Variants in ZNF221 observed in about 807,000 individuals in gnomAD.
ZNF221 encodes zinc finger protein 221.
Under a neutral mutation model 12.6 loss-of-function variants are expected in ZNF221, and 10 were observed. The observed-to-expected ratio is 0.79, with a 90% confidence interval of 0.49 to 1.34. The LOEUF (loss-of-function observed/expected upper bound fraction) is 1.34. Ranked by LOEUF, ZNF221 falls within the 40% of genes most tolerant of loss-of-function variation. ZNF221 has a pLI of 0.00. For synonymous variants in ZNF221, 232 were observed against 244.0 expected (o/e 0.95, Z 0.46); for missense variants, 661 against 721.4 (o/e 0.92, Z 0.96).
chr19:43,965,260 TC>T lies in ZNF221; in HGVS notation c.238del (p.His80ThrfsTer3). 6.2e-7 allele frequency: 1 copy of T among 1,613,426 alleles called. No individual in the cohort carries two copies. Among genetic ancestry groups the T allele is most frequent in the Non-Finnish European group, 8.5e-7 (1 of 1,179,668 alleles). Reference protein sequence around the residue: ...VGNQPFHQDTFHFLGKEKFWK... With the variant: ...VGNQPFHQDTXHFLGKEKFWK... ...AATCAACCATTCCACCAAGATACTT[TC>T]CACTTCTTAGGGAAGGAAAAGTTTT... On this transcript the variant is annotated frameshift_variant, in exon 4 of 5. Transcript: ENST00000587682. LOFTEE classifies it high-confidence loss of function.
intron 1 of ZNF221, among the ~76,000 whole-genome samples, chr19:43,961,398 A>G (rs918551422): frequency 2.0e-5 from 3 of 152,214 alleles, no homozygotes; most frequent in Non-Finnish European, 4.4e-5. Flanking sequence ...TAGCAAGGTG[A>G]TCATGGAGTG....
chr19:43,978,933 GTT>G, the ZNF221 span, among the ~76,000 whole-genome samples: 5,398 of 141,562 alleles, frequency 0.038, 145 homozygotes, highest in South Asian at 0.085. Flanking sequence ...GTGTGTGTGT[GTT>G]TTTTTTTTTT....
chr19:43,978,040 A>C, the ZNF221 span, among the ~76,000 whole-genome samples: 2 of 152,104 alleles, frequency 1.3e-5, no homozygotes, highest in Non-Finnish European at 2.9e-5. Flanking sequence ...ATAAGACTCA[A>C]CTCCTCTAGC....
the ZNF221 span, among the ~76,000 whole-genome samples, chr19:43,974,557 A>G: frequency 6.6e-6 from 1 of 151,890 alleles, no homozygotes; most frequent in Admixed American, 6.6e-5. Context: ...GAGAAAAAAA[A>G]CCATTAAAAA....
chr19:43,954,440 A>G (rs903659678), intron 1 of ZNF221, among the ~76,000 whole-genome samples: 1 of 152,274 alleles, frequency 6.6e-6, no homozygotes, highest in African/African-American at 2.4e-5. Context: ...CATTAGAATC[A>G]CCACTGTGCC....
intron 2 of ZNF221, among the ~76,000 whole-genome samples, chr19:43,964,290 T>C (rs1197028759): frequency 1.3e-5 from 2 of 152,180 alleles, no homozygotes; most frequent in Non-Finnish European, 1.5e-5. Flanking sequence ...TGAAAATCAT[T>C]ATACAGACAG....
chr19:43,963,939 A>T (rs1001313475), intron 2 of ZNF221, among the ~76,000 whole-genome samples: 1 of 152,182 alleles, frequency 6.6e-6, no homozygotes, highest in Non-Finnish European at 1.5e-5. Flanking sequence ...TTTGGAAGAA[A>T]GTATGAAATT....
At position 43,966,125 on chromosome 19, in the gene ZNF221, G is replaced by T. The variant is rs148847895; in HGVS notation, c.623G>T (p.Cys208Phe). Residue 208 changes from cysteine to phenylalanine, a missense_variant, in exon 5 of 5, where the codon TGT (cysteine) becomes TTT (phenylalanine). Coordinates refer to ENST00000587682, the MANE Select transcript of ZNF221 (RefSeq NM_001297588.2). Reference protein sequence around the residue: ...HTCGECGKSFCYSPALHIHQR... With the variant: ...HTCGECGKSFFYSPALHIHQR... ...TGTGGTGAGTGTGGAAAAAGCTTCT[G>T]TTACAGCCCAGCCCTTCATATTCAT... The T allele has an allele frequency of 1.9e-6, 3 of 1,614,078 alleles. No individual in the cohort carries two copies. Among genetic ancestry groups the T allele is most frequent in the Non-Finnish European group, 2.5e-6 (3 of 1,180,044 alleles).
In ZNF221 at chr19:43,966,635, G is replaced by A; in HGVS notation, c.1133G>A (p.Arg378Lys). ...CEQCGKGFIC[R>K]RDFCKHQMVH... ...CAATGTGGAAAAGGCTTCATTTGTA[G>A]GCGAGATTTTTGTAAGCATCAGATG... is the stretch of plus-strand genomic sequence containing the variant. Residue 378 changes from arginine (R) to lysine (K), a missense_variant, in exon 5 of 5, where the codon AGG becomes AAG. Transcript: ENST00000587682. 6.2e-7 allele frequency: 1 copy of A among 1,614,100 alleles called. No individual in the cohort carries two copies. Among genetic ancestry groups the A allele is most frequent in the South Asian group, 1.1e-5 (1 of 91,080 alleles).
chr19:43,952,552 A>C (rs1364634248), intron 1 of ZNF221, among the ~76,000 whole-genome samples: 1 of 152,220 alleles, frequency 6.6e-6, no homozygotes, highest in Non-Finnish European at 1.5e-5. Flanking sequence ...TTCGTCTATT[A>C]AAGATGAGAG....
intron 1 of ZNF221, among the ~76,000 whole-genome samples, chr19:43,962,507 C>A (rs1290786766): frequency 6.6e-6 from 1 of 152,142 alleles, no homozygotes; most frequent in African/African-American, 2.4e-5. Context: ...GTTCTTCACT[C>A]CTTTGAATTT....
At chr19:43,972,254 A>G (rs1030950178), downstream of ZNF221, among the ~76,000 whole-genome samples, 3 of 152,230 alleles carry the variant, frequency 2.0e-5, no homozygotes, top group Non-Finnish European at 4.4e-5. Flanking sequence ...ACAATGTACC[A>G]GAATCTCTGG....
chr19:43,963,900 A>G lies in ZNF221; in HGVS notation c.82-1050A>G, dbSNP rs555274744. ...AAGGAGAATAAGGGTACTTGTGTTC[A>G]CTCGGAAGAGTGGGAAGTAGGTAAA... On this transcript the variant is annotated intron_variant, in intron 2 of 4. Transcript: ENST00000587682. Among the ~76,000 whole-genome samples, 8 of 152,328 alleles carry G rather than the reference A, an allele frequency of 5.3e-5. No individual in the cohort carries two copies. In the South Asian group the frequency reaches 1.7e-3, roughly 32 times the overall value.
intron 1 of ZNF221, 98 bp from the exon 2 acceptor site, chr19:43,962,627 C>CAT (rs1974864300): frequency 1.7e-6 from 2 of 1,185,806 alleles, no homozygotes; most frequent in African/African-American, 3.0e-5. Flanking sequence ...CTGCTATGAA[C>CAT]ATTCATGTGC....
intron 1 of ZNF221, chr19:43,961,736 G>A (rs1335841350): frequency 2.0e-5 from 3 of 152,112 alleles, no homozygotes; most frequent in African/African-American, 7.2e-5. Flanking sequence ...AACAGGCTTT[G>A]TCTTTTTATT....
intron 1 of ZNF221, among the ~76,000 whole-genome samples, chr19:43,956,518 A>G (rs913922931): frequency 1.5e-3 from 22 of 14,566 alleles, no homozygotes; most frequent in Admixed American, 4.8e-3. Flanking sequence ...ATCCTCTCTT[A>G]TGCGAAACAC....
rs766051838 is a variant in ZNF221 at position 43,965,859 on chromosome 19, G to T, written c.357G>T (p.Glu119Asp). Residue 119 changes from glutamate (E) to aspartate (D), a missense_variant, in exon 5 of 5, where the codon GAG becomes GAT. By Grantham distance (45) the Glu-to-Asp change is conservative (BLOSUM62 2). Transcript: ENST00000587682. ...TTCCAGAAGCAGGACCACATGAAGA[G>T]TGGTCCTGTCAGCAAATATGGGAAC... ...ETVPEAGPHE[E>D]WSCQQIWEQI... 2 of 1,613,590 alleles carry T rather than the reference G, an allele frequency of 1.2e-6. No individual in the cohort carries two copies.
At chr19:43,967,716 G>T (rs392160), downstream of ZNF221, 142,821 of 183,610 alleles carry the variant, frequency 0.78, 57,100 homozygotes, top group Middle Eastern at 0.89. Context: ...CTGACCTCGT[G>T]ATCCGCCCGC....
downstream of ZNF221, among the ~76,000 whole-genome samples, chr19:43,969,199 G>C (rs557801943): frequency 6.6e-6 from 1 of 152,140 alleles, no homozygotes; most frequent in Non-Finnish European, 1.5e-5. Context: ...GGGAAGGCTG[G>C]CCACCATTTC....
Sources: allele counts gnomAD v4.1 joint callset (sites outside exome capture counted in the v4.1 genomes callset), GRCh38; gene constraint gnomAD v4.1.1; transcripts MANE v1.5; gene names NCBI Gene and HGNC (gene_info 2026-07-23, HGNC 2026-07-21).